RBMS3: variants seen among roughly 807,000 people sequenced by gnomAD.
RBMS3 encodes RNA-binding motif, single-stranded-interacting protein 3.
RBMS3 carries 27 observed loss-of-function variants against 66.8 expected under a neutral mutation model. That is an observed-to-expected ratio of 0.40 (90% CI 0.30 to 0.56). The LOEUF (loss-of-function observed/expected upper bound fraction) is 0.56, where lower values mean the gene tolerates loss of function less well. Ranked by LOEUF, RBMS3 falls within the 20% of genes least tolerant of loss-of-function variation. RBMS3 has a pLI of 0.40. For missense variants in RBMS3, 513 were observed against 549.5 expected, an observed-to-expected ratio of 0.93 and a Z score of 0.66; for synonymous variants, 188 against 183.0, an observed-to-expected ratio of 1.03 and a Z score of -0.22.
intron 12 of RBMS3, among the ~76,000 whole-genome samples, chr3:29,957,896 T>C (rs1696152374): frequency 6.6e-6 from 1 of 152,230 alleles, no homozygotes; most frequent in Admixed American, 6.6e-5. Flanking sequence ...TTCAATAGCC[T>C]ATGTTATGCC....
Position 29,339,354 on chromosome 3 carries a change from C to T in RBMS3, c.75+57598C>T, listed in dbSNP as rs150411782. The stretch of plus-strand genomic sequence containing the variant: ...TGCCTAATAAGAAATCAGTTGTTCT[C>T]TCAGTGTTTCGTGTGCTGGTCTGAG... On this transcript the variant is annotated intron_variant, in intron 1 of 14. Transcript: ENST00000383767. 3.2e-4 allele frequency among the ~76,000 whole-genome samples: 49 copies of T among 152,272 alleles called. No homozygotes were observed. The East Asian group carries it at 9.3e-3, about 29-fold the overall frequency.
intron 7 of RBMS3, among the ~76,000 whole-genome samples, chr3:29,869,702 CTG>C (rs947504828): frequency 1.3e-5 from 2 of 152,208 alleles, no homozygotes; most frequent in Admixed American, 6.5e-5. Context: ...GAAAAGGTGA[CTG>C]AGCTTCCATG....
chr3:29,593,789 TACA>T (rs1183847142), intron 4 of RBMS3, among the ~76,000 whole-genome samples: 2 of 152,220 alleles, frequency 1.3e-5, no homozygotes, highest in Non-Finnish European at 2.9e-5. Flanking sequence ...TTCTACATGC[TACA>T]GACATAGCAC....
intron 3 of RBMS3, among the ~76,000 whole-genome samples, chr3:29,538,659 G>A (rs2045657546): frequency 6.6e-6 from 1 of 152,168 alleles, no homozygotes; most frequent in Non-Finnish European, 1.5e-5. Flanking sequence ...GATTTTCTCA[G>A]TATTACTTTT....
chr3:29,730,089 A>G (rs961256532), intron 4 of RBMS3, among the ~76,000 whole-genome samples: 1 of 152,104 alleles, frequency 6.6e-6, no homozygotes, highest in Non-Finnish European at 1.5e-5. Context: ...ATAAAATGAT[A>G]TTAATGTTAA....
At chr3:29,848,558 GTGAA>G (rs2058848039) in intron 6 of RBMS3, among the ~76,000 whole-genome samples, 1 of 152,166 alleles carries the variant, frequency 6.6e-6, no homozygotes. Flanking sequence ...TTGCATATCT[GTGAA>G]TTGCTTTAAA....
intron 6 of RBMS3, among the ~76,000 whole-genome samples, chr3:29,798,335 G>A (rs1576835262): frequency 9.5e-6 from 1 of 105,416 alleles, no homozygotes; most frequent in African/African-American, 3.6e-5. Context: ...GGAGGGGAGG[G>A]GAGGGGAGGG....
intron 7 of RBMS3, among the ~76,000 whole-genome samples, chr3:29,869,516 A>G (rs944494087): frequency 1.6e-4 from 25 of 152,116 alleles, no homozygotes; most frequent in African/African-American, 6.0e-4. Flanking sequence ...GTCTTGGTCA[A>G]AAAAGAGGGA....
intron 14 of RBMS3, 65 bp downstream of exon 14, chr3:29,991,274 TTGTA>T: frequency 6.2e-7 from 1 of 1,605,644 alleles, no homozygotes; most frequent in Non-Finnish European, 8.5e-7. Flanking sequence ...CTCTCTCATG[TTGTA>T]TGTGTTAGCT....
intron 5 of RBMS3, among the ~76,000 whole-genome samples, chr3:29,760,699 A>G (rs977007983): frequency 1.6e-4 from 24 of 151,982 alleles, no homozygotes; most frequent in African/African-American, 5.6e-4. Context: ...GACTTACAGT[A>G]AAAGGTTCCA....
chr3:29,545,624 G>T (rs1251319647), intron 3 of RBMS3, among the ~76,000 whole-genome samples: 1 of 152,182 alleles, frequency 6.6e-6, no homozygotes, highest in Non-Finnish European at 1.5e-5. Flanking sequence ...ATAGTGTGTT[G>T]TATTTAACAT....
At chr3:29,786,718 G>A (rs781111812) in intron 6 of RBMS3, among the ~76,000 whole-genome samples, 1 of 152,082 alleles carries the variant, frequency 6.6e-6, no homozygotes, top group Non-Finnish European at 1.5e-5. Flanking sequence ...TTAGATATAA[G>A]AGCTGAAACC....
intron 4 of RBMS3, among the ~76,000 whole-genome samples, chr3:29,737,666 T>A (rs1173711061): frequency 2.0e-5 from 3 of 152,200 alleles, no homozygotes; most frequent in Admixed American, 2.0e-4. Context: ...AGGTTCATTA[T>A]TATGTAACTG....
chr3:29,349,185 C>G (rs2036759696), intron 1 of RBMS3, among the ~76,000 whole-genome samples: 1 of 151,298 alleles, frequency 6.6e-6, no homozygotes, highest in Admixed American at 6.6e-5. Flanking sequence ...CTCTCTGCTC[C>G]CTTTGCACCC....
intron 6 of RBMS3, among the ~76,000 whole-genome samples, chr3:29,837,314 C>T (rs898210472): frequency 2.0e-5 from 3 of 151,868 alleles, no homozygotes; most frequent in Non-Finnish European, 4.4e-5. Context: ...AAACCTTATA[C>T]GTAGTCTAGT....
chr3:29,406,767 A>G (rs1427289490), intron 1 of RBMS3, among the ~76,000 whole-genome samples: 1 of 152,210 alleles, frequency 6.6e-6, no homozygotes. Context: ...TTTTTCATTA[A>G]ACTAATTTTT....
intron 12 of RBMS3, among the ~76,000 whole-genome samples, chr3:29,959,934 G>T (rs1192258486): frequency 1.3e-5 from 2 of 152,024 alleles, no homozygotes; most frequent in South Asian, 2.1e-4. Flanking sequence ...GATGAGATTT[G>T]GGTGGGGACA....
chr3:29,544,434 T>C (rs928816375), intron 3 of RBMS3, among the ~76,000 whole-genome samples: 1 of 152,154 alleles, frequency 6.6e-6, no homozygotes, highest in Non-Finnish European at 1.5e-5. Context: ...CTATTTTTTA[T>C]ATTAAAAACT....
chr3:29,785,587 CA>C (rs2056790396), intron 6 of RBMS3, among the ~76,000 whole-genome samples: 1 of 151,814 alleles, frequency 6.6e-6, no homozygotes, highest in Non-Finnish European at 1.5e-5. Context: ...GAATTAAAAG[CA>C]AAAATCACAT....
Sources: allele counts gnomAD v4.1 joint callset (sites outside exome capture counted in the v4.1 genomes callset), GRCh38; gene constraint gnomAD v4.1.1; transcripts MANE v1.5; gene names NCBI Gene and HGNC (gene_info 2026-07-23, HGNC 2026-07-21).